The following LDB2 variants were observed in gnomAD, a reference collection of about 807,000 sequenced individuals.
The protein encoded by LDB2 is LIM domain binding 2, also known as LIM domain-binding protein 2.
In LDB2, 12 loss-of-function variants were observed where a neutral mutation model predicts 44.3. The observed-to-expected ratio is 0.27, with a 90% confidence interval of 0.17 to 0.44. The LOEUF is 0.44. LDB2 is among the 20% of genes least tolerant of loss of function. LDB2 has a pLI of 1.00. For missense variants in LDB2, 344 were observed against 473.5 expected, an observed-to-expected ratio of 0.73 and a Z score of 2.54; for synonymous variants, 164 against 174.8, an observed-to-expected ratio of 0.94 and a Z score of 0.49.
In LDB2 at chr4:16,569,707, G is replaced by A. The variant is rs74593230; in HGVS notation, c.615+16215C>T. Among the ~76,000 whole-genome samples the A allele has an allele frequency of 2.9e-3, 443 of 152,164 alleles. 10 individuals carry two copies. In the East Asian group the frequency reaches 0.07, roughly 24 times the overall value. On this transcript the variant is annotated intron_variant, in intron 5 of 7. Coordinates refer to ENST00000304523, the MANE Select transcript of LDB2 (RefSeq NM_001290.5). ...CCATCCATCCATCCAGCTGCTTGGC[G>A]TCAGTTTCCTCATTTGCAGCATGGT... is the stretch of plus-strand genomic sequence containing the variant.
intron 1 of LDB2, among the ~76,000 whole-genome samples, chr4:16,785,706 A>C (rs1378624088): frequency 6.6e-6 from 1 of 151,964 alleles, no homozygotes; most frequent in Non-Finnish European, 1.5e-5. Flanking sequence ...GCAGGCTCAC[A>C]CTCCTAAGTC....
intron 1 of LDB2, among the ~76,000 whole-genome samples, chr4:16,842,567 C>T (rs1461493902): frequency 6.6e-6 from 1 of 152,094 alleles, no homozygotes; most frequent in Non-Finnish European, 1.5e-5. Context: ...TGAATACACC[C>T]CATGAGTGAT....
At chr4:16,639,827 C>T (rs1354388991) in intron 2 of LDB2, among the ~76,000 whole-genome samples, 2 of 152,214 alleles carry the variant, frequency 1.3e-5, no homozygotes, top group East Asian at 3.9e-4. Context: ...AAATACATAA[C>T]CAGGGACCTA....
intron 5 of LDB2, among the ~76,000 whole-genome samples, chr4:16,544,747 C>T (rs574906865): frequency 2.0e-5 from 3 of 152,138 alleles, no homozygotes; most frequent in South Asian, 2.1e-4. Context: ...TAGTTCTGAC[C>T]AAGATGAATT....
At chr4:16,634,987 T>C (rs566510570) in intron 2 of LDB2, among the ~76,000 whole-genome samples, 1 of 152,328 alleles carries the variant, frequency 6.6e-6, no homozygotes, top group Admixed American at 6.5e-5. Flanking sequence ...TCTTGTCCTT[T>C]GCAGGGACAT....
intron 1 of LDB2, among the ~76,000 whole-genome samples, chr4:16,783,565 G>T (rs573077951): frequency 3.9e-5 from 6 of 152,374 alleles, no homozygotes; most frequent in African/African-American, 1.2e-4. Flanking sequence ...CTGGCTTATG[G>T]AGATCATGTC....
intron 7 of LDB2, chr4:16,506,267 A>T (rs2152208387): frequency 3.2e-6 from 1 of 315,884 alleles, no homozygotes; most frequent in East Asian, 5.3e-5. Context: ...CATTTTCCTA[A>T]TCTGGTTGTT....
At chr4:16,518,651 TACTC>T (rs887229339) in intron 5 of LDB2, among the ~76,000 whole-genome samples, 10 of 152,174 alleles carry the variant, frequency 6.6e-5, no homozygotes, top group Admixed American at 3.3e-4. Flanking sequence ...AATTAAAAAA[TACTC>T]ACTATCTTGT....
At chr4:16,670,275 A>C (rs1744377798) in intron 2 of LDB2, among the ~76,000 whole-genome samples, 1 of 152,158 alleles carries the variant, frequency 6.6e-6, no homozygotes, top group African/African-American at 2.4e-5. Flanking sequence ...GGTCGCTTAG[A>C]TATTTGGTAC....
chr4:16,862,862 G>A (rs1186548367), intron 1 of LDB2, among the ~76,000 whole-genome samples: 1 of 152,068 alleles, frequency 6.6e-6, no homozygotes, highest in Non-Finnish European at 1.5e-5. Flanking sequence ...CAGCAAATTT[G>A]AACTTCTTTG....
intron 1 of LDB2, among the ~76,000 whole-genome samples, chr4:16,856,544 T>G (rs538359137): frequency 6.6e-6 from 1 of 152,310 alleles, no homozygotes; most frequent in South Asian, 2.1e-4. Flanking sequence ...ACTACTCAAC[T>G]CTGCCACTGC....
chr4:16,897,342 C>T (rs1304031774), intron 1 of LDB2, among the ~76,000 whole-genome samples: 1 of 152,120 alleles, frequency 6.6e-6, no homozygotes, highest in Non-Finnish European at 1.5e-5. Context: ...TTTCCACTTC[C>T]TAAAGTGACT....
In LDB2 at chr4:16,533,709, T is replaced by G. The variant is rs151089983; in HGVS notation, c.616-21605A>C. ...CCCTGGCTGAACAAATGGTTGCTTA[T>G]GTAAAAGACCTGCCCTCCAGTAAAA... is the stretch of plus-strand genomic sequence containing the variant. On this transcript the variant is annotated intron_variant, in intron 5 of 7. Coordinates refer to ENST00000304523, the MANE Select transcript of LDB2 (RefSeq NM_001290.5). The surrounding 1 kb of genome is among the most constrained non-coding windows in gnomAD (Gnocchi z 4.1). Among the ~76,000 whole-genome samples the G allele has an allele frequency of 1.4e-4, 22 of 152,340 alleles. No homozygotes were observed. In the East Asian group the frequency reaches 4.2e-3, roughly 29 times the overall value.
chr4:16,791,341 G>A (rs1252491165), intron 1 of LDB2, among the ~76,000 whole-genome samples: 2 of 151,984 alleles, frequency 1.3e-5, no homozygotes, highest in South Asian at 2.1e-4. Context: ...TGGATCATGA[G>A]GTCAGGAGTT....
At chr4:16,834,419 G>T (rs1030757202) in intron 1 of LDB2, among the ~76,000 whole-genome samples, 2 of 152,194 alleles carry the variant, frequency 1.3e-5, no homozygotes, top group African/African-American at 2.4e-5. Context: ...AGTGAAAGTA[G>T]AATAGGGGTT....
intron 1 of LDB2, among the ~76,000 whole-genome samples, chr4:16,888,258 C>T (rs188536271): frequency 6.6e-6 from 1 of 152,336 alleles, no homozygotes; most frequent in African/African-American, 2.4e-5. Flanking sequence ...TGCAAAGACA[C>T]TGGTGAAAGG....
At chr4:16,612,996 T>C (rs1461662392) in intron 2 of LDB2, among the ~76,000 whole-genome samples, 1 of 152,168 alleles carries the variant, frequency 6.6e-6, no homozygotes, top group African/African-American at 2.4e-5. Context: ...TTGAAAACCT[T>C]ATCCACTACA....
Position 16,815,561 on chromosome 4 carries a change from C to T in LDB2, c.133-56301G>A, listed in dbSNP as rs140128515. Among the ~76,000 whole-genome samples the T allele has an allele frequency of 3.4e-3, 525 of 152,316 alleles. 4 individuals are homozygous for T. Among genetic ancestry groups the T allele is most frequent in the Admixed American group, 5.0e-3 (77 of 15,302 alleles). On this transcript the variant is annotated intron_variant, in intron 1 of 7. Transcript: ENST00000304523. ...ACTGATTTGTAAGATCCTCTGACTA[C>T]AGGACCTTTGAATAGGCTGTAGTCT...
chr4:16,701,571 C>T (rs1753441792), intron 2 of LDB2, among the ~76,000 whole-genome samples: 1 of 152,150 alleles, frequency 6.6e-6, no homozygotes, highest in Non-Finnish European at 1.5e-5. Flanking sequence ...ATTCTTGCCT[C>T]CACTTTATAA....
Sources: gnomAD v4.1 joint callset for allele counts (sites outside exome capture counted in the v4.1 genomes callset) on GRCh38, gnomAD v4.1.1 for gene constraint, Gnocchi (gnomAD v3.1) non-coding constraint, MANE v1.5 for transcripts, NCBI Gene and HGNC (gene_info 2026-07-23, HGNC 2026-07-21) for gene names.